The following METTL8 variants were observed in gnomAD, a reference collection of about 807,000 sequenced individuals.
METTL8 encodes tRNA N(3)-cytidine methyltransferase METTL8, mitochondrial.
In METTL8, 32 loss-of-function variants were observed where a neutral mutation model predicts 48.7. That is an observed-to-expected ratio of 0.66 (90% CI 0.50 to 0.88). METTL8 has a LOEUF of 0.88. Ranked by LOEUF, METTL8 falls within the 40% of genes least tolerant of loss-of-function variation. The pLI is 0.00. For missense variants in METTL8, 464 were observed against 474.4 expected (o/e 0.98, Z 0.20); for synonymous variants, 136 against 157.1 (o/e 0.87, Z 1.01).
chr2:171,385,118 A>G (rs1687918856), intron 2 of METTL8, among the ~76,000 whole-genome samples: 1 of 152,102 alleles, frequency 6.6e-6, no homozygotes, highest in Non-Finnish European at 1.5e-5. Flanking sequence ...ACATCTTTAA[A>G]AAATCAAATT....
intron 1 of METTL8, among the ~76,000 whole-genome samples, chr2:171,428,410 A>G (rs1692632251): frequency 6.6e-6 from 1 of 152,006 alleles, no homozygotes; most frequent in African/African-American, 2.4e-5. Flanking sequence ...CATGCCAGCT[A>G]CTCAGGAGGC....
At chr2:171,360,654 G>A (rs918882756) in intron 2 of METTL8, 141 bp from the exon 3 acceptor site, 3 of 679,464 alleles carry the variant, frequency 4.4e-6, no homozygotes, top group Non-Finnish European at 7.2e-6. Context: ...AATACATTTT[G>A]TGTAAGATGT....
At chr2:171,352,721 A>G (rs868813462) in intron 3 of METTL8, among the ~76,000 whole-genome samples, 3 of 152,204 alleles carry the variant, frequency 2.0e-5, no homozygotes, top group African/African-American at 7.2e-5. Flanking sequence ...CCAGGAATTT[A>G]TCCATTTCTT....
In METTL8 at chr2:171,417,306, T is replaced by C. The variant is rs1204371453; in HGVS notation, c.-13+16577A>G. 3.3e-5 allele frequency among the ~76,000 whole-genome samples: 5 copies of C among 152,344 alleles called. No homozygotes were observed. The South Asian group carries it at 6.2e-4, about 19-fold the overall frequency. On this transcript the variant is annotated intron_variant, in intron 1 of 9. Coordinates refer to ENST00000375258, the MANE Select transcript of METTL8 (RefSeq NM_001321154.2). ...GAAAACAAAGTATTATGGATACTGT[T>C]CTGTTGGAGTGCCAAGCTAAAAATC...
intron 1 of METTL8, among the ~76,000 whole-genome samples, chr2:171,403,796 G>C (rs1469489997): frequency 6.6e-6 from 1 of 151,734 alleles, no homozygotes; most frequent in African/African-American, 2.4e-5. Flanking sequence ...GGGGCAGACA[G>C]GTGGGGTGGG....
intron 1 of METTL8, among the ~76,000 whole-genome samples, chr2:171,397,777 T>C (rs1402382772): frequency 1.3e-5 from 2 of 152,096 alleles, no homozygotes; most frequent in African/African-American, 2.4e-5. Flanking sequence ...GAAAAGCTAA[T>C]ACTGGGATAT....
At chr2:171,393,836 C>T (rs77455086) in intron 1 of METTL8, among the ~76,000 whole-genome samples, 240 of 152,206 alleles carry the variant, frequency 1.6e-3, no homozygotes, top group African/African-American at 5.4e-3. Context: ...AAATGAACTG[C>T]AGAATGTCAA....
chr2:171,347,841 C>T (rs955082493), intron 3 of METTL8, among the ~76,000 whole-genome samples: 2 of 152,192 alleles, frequency 1.3e-5, no homozygotes, highest in Non-Finnish European at 2.9e-5. Flanking sequence ...CCCTAATACT[C>T]TCTGGCCATA....
At chr2:171,410,489 AC>A (rs1021923829) in intron 1 of METTL8, among the ~76,000 whole-genome samples, 5 of 152,354 alleles carry the variant, frequency 3.3e-5, no homozygotes, top group African/African-American at 1.2e-4. Flanking sequence ...CCACCTGACA[AC>A]CTAAGATGTG....
intron 2 of METTL8, among the ~76,000 whole-genome samples, chr2:171,376,736 T>C (rs1458693842): frequency 6.6e-6 from 1 of 152,216 alleles, no homozygotes; most frequent in Non-Finnish European, 1.5e-5. Flanking sequence ...TCCATGCTCA[T>C]GGATGGGTAC....
rs562737170 is a variant in METTL8, at chr2:171,387,553, AT to A, written c.143+4489del. On this transcript the variant is annotated intron_variant, in intron 2 of 9. Coordinates refer to ENST00000375258, the MANE Select transcript of METTL8 (RefSeq NM_001321154.2). ...TTATTTAAAAAAAATTAAAAAAAAA[AT>A]TTTTTTTTAAATATATATATGTATG... 4.7e-3 allele frequency among the ~76,000 whole-genome samples: 700 copies of A among 149,982 alleles called. 5 individuals carry two copies. The highest frequency in any genetic ancestry group is 0.015 in the African/African-American group (616 of 40,686).
chr2:171,325,034 A>C (rs1684794690), intron 9 of METTL8, among the ~76,000 whole-genome samples: 1 of 150,324 alleles, frequency 6.7e-6, no homozygotes. Context: ...AGGTGGGAGA[A>C]TCGTTTGAAC....
intron 1 of METTL8, 43 bp downstream of exon 1, chr2:171,433,840 C>G (rs1693464619): frequency 6.5e-6 from 1 of 154,544 alleles, no homozygotes; most frequent in Non-Finnish European, 1.4e-5. Flanking sequence ...TTTACCGTCC[C>G]CCTCAGCCAA....
chr2:171,385,134 T>C (rs1434791747), intron 2 of METTL8, among the ~76,000 whole-genome samples: 1 of 151,844 alleles, frequency 6.6e-6, no homozygotes, highest in Admixed American at 6.6e-5. Flanking sequence ...AAATTCAGGC[T>C]AGGTGTGGTG....
At chr2:171,388,919 T>C (rs1688320862) in intron 2 of METTL8, among the ~76,000 whole-genome samples, 1 of 152,212 alleles carries the variant, frequency 6.6e-6, no homozygotes, top group East Asian at 1.9e-4. Flanking sequence ...GCTAATTTAA[T>C]TGATAAATGT....
intron 1 of METTL8, among the ~76,000 whole-genome samples, chr2:171,413,698 T>C (rs1332861867): frequency 6.6e-6 from 1 of 152,192 alleles, no homozygotes; most frequent in Admixed American, 6.5e-5. Context: ...TTTTAGTGTC[T>C]AGAGGTCCTG....
chr2:171,355,362 G>C (rs1232472361), intron 3 of METTL8, among the ~76,000 whole-genome samples: 7 of 151,824 alleles, frequency 4.6e-5, no homozygotes, highest in African/African-American at 1.7e-4. Context: ...GTCCGTATGA[G>C]GTGTCAGTCA....
At position 171,318,315 on chromosome 2, in the gene METTL8, T is replaced by A. The variant is rs553895626; in HGVS notation, c.*5857A>T. ...TTTCATGCCTGAATTGGTATTAATG[T>A]GGCATTAATGTACATACAATGTTTT... On this transcript the variant is annotated 3_prime_UTR_variant, in exon 10 of 10. Coordinates refer to ENST00000375258, the MANE Select transcript of METTL8 (RefSeq NM_001321154.2). The A allele has an allele frequency of 6.6e-6, 1 of 152,394 alleles. No individual in the cohort carries two copies. The highest frequency in any genetic ancestry group is 2.1e-4 in the South Asian group (1 of 4,832). The allele number at this position is 152,394 out of a possible 1,614,324, so 9.4% of individuals were successfully genotyped here.
At chr2:171,325,395 T>C (rs1169604547) in intron 9 of METTL8, among the ~76,000 whole-genome samples, 1 of 152,156 alleles carries the variant, frequency 6.6e-6, no homozygotes, top group Non-Finnish European at 1.5e-5. Context: ...CATTTTGTTT[T>C]CTAGGCTGGT....
Sources: allele counts gnomAD v4.1 joint callset (sites outside exome capture counted in the v4.1 genomes callset), GRCh38; gene constraint gnomAD v4.1.1; transcripts MANE v1.5; gene names NCBI Gene and HGNC (gene_info 2026-07-23, HGNC 2026-07-21).